SAMD7: variants seen among roughly 807,000 people sequenced by gnomAD.
SAMD7 encodes the protein sterile alpha motif domain-containing protein 7.
SAMD7 carries 34 observed loss-of-function variants against 36.7 expected under a neutral mutation model. That is an observed-to-expected ratio of 0.93 (90% CI 0.71 to 1.23). SAMD7 has a LOEUF of 1.23. Ranked by LOEUF, SAMD7 falls within the 50% of genes most tolerant of loss-of-function variation. The pLI is 0.00. For synonymous variants in SAMD7, 188 were observed against 189.7 expected (o/e 0.99, Z 0.07); for missense variants, 570 against 546.6 (o/e 1.04, Z -0.43).
At chr3:169,930,798 G>T (rs1316535256) in intron 7 of SAMD7, among the ~76,000 whole-genome samples, 1 of 151,916 alleles carries the variant, frequency 6.6e-6, no homozygotes, top group Non-Finnish European at 1.5e-5. Context: ...GGCCAGGCTG[G>T]TCTCAACCTC....
At chr3:169,935,791 A>G (rs1398514683) in intron 7 of SAMD7, among the ~76,000 whole-genome samples, 1 of 152,214 alleles carries the variant, frequency 6.6e-6, no homozygotes, top group East Asian at 1.9e-4. Flanking sequence ...AAGGCACGCC[A>G]CGTCCACTAC....
At chr3:169,924,817 AC>A (rs1214279275) in intron 4 of SAMD7, among the ~76,000 whole-genome samples, 2 of 152,202 alleles carry the variant, frequency 1.3e-5, no homozygotes, top group Non-Finnish European at 2.9e-5. Context: ...GGAAAATGCC[AC>A]CAGTCATGAG....
rs182689722 is a variant in SAMD7 at position 169,930,774 on chromosome 3, G to T, written c.1041+2196G>T. Among the ~76,000 whole-genome samples, 56 of 151,826 alleles carry T rather than the reference G, an allele frequency of 3.7e-4. 1 individual carries two copies. The East Asian group carries it at 9.3e-3, about 25-fold the overall frequency. On this transcript the variant is annotated intron_variant, in intron 7 of 8. Transcript: ENST00000335556. ...TTTTTTGTATTTTTAGTAAAGACAG[G>T]GTTTCATCGTGTTGGCCAGGCTGGT...
In SAMD7 at chr3:169,926,720, A is replaced by G. The variant is rs758399017; in HGVS notation, c.458A>G (p.His153Arg). 28 of 1,613,706 alleles carry G rather than the reference A, an allele frequency of 1.7e-5. No homozygotes were observed. Among genetic ancestry groups the G allele is most frequent in the Non-Finnish European group, 2.2e-5 (26 of 1,179,950 alleles). The change falls in exon 6 of 9, where the codon CAC (histidine) becomes CGC (arginine). Residue 153 changes from histidine (H) to arginine (R), a missense_variant. Transcript: ENST00000335556. ...CTCCCTGCCGGTGACCTGCATTTTC[A>G]CAGAAGCACCCTCAGAAACCTTCAG... ...SMLPAGDLHF[H>R]RSTLRNLQGN...
Position 169,928,558 on chromosome 3 carries a change from G to C in SAMD7, c.1021G>C (p.Gly341Arg). Residue 341 changes from glycine to arginine, a missense_variant, in exon 7 of 9, where the codon GGT becomes CGT. By Grantham distance (125) the Gly-to-Arg change is moderately radical. Coordinates refer to ENST00000335556, the MANE Select transcript of SAMD7 (RefSeq NM_001304366.2). ...DVHSFIRSLP[G>R]CSDYAQVFKD... ...GCACAGCTTCATTCGCAGCCTTCCA[G>C]GTTGTTCAGACTATGCTCAGGTGAC... 1.2e-6 allele frequency: 2 copies of C among 1,613,962 alleles called. No homozygotes were observed. The highest frequency in any genetic ancestry group is 1.7e-6 in the Non-Finnish European group (2 of 1,179,870).
chr3:169,926,864 C>A lies in SAMD7; in HGVS notation c.602C>A (p.Ser201Tyr). ...GCTCTAGACAGTGATGCTGAGAGTT[C>A]CAAAAGTCAAGCAGAAGAAAAAATC... Reference protein sequence around the residue: ...QKALDSDAESSKSQAEEKILG... With the variant: ...QKALDSDAESYKSQAEEKILG... Residue 201 changes from serine (S) to tyrosine (Y), a missense_variant, in exon 6 of 9, where the codon TCC (serine) becomes TAC (tyrosine). Transcript: ENST00000335556. 1.2e-6 allele frequency: 2 copies of A among 1,613,674 alleles called. No individual in the cohort carries two copies. Among genetic ancestry groups the A allele is most frequent in the Non-Finnish European group, 8.5e-7 (1 of 1,179,922 alleles).
chr3:169,933,565 G>T (rs1430253728), intron 7 of SAMD7, among the ~76,000 whole-genome samples: 2 of 152,218 alleles, frequency 1.3e-5, no homozygotes, highest in African/African-American at 4.8e-5. Context: ...ATTGGCTCTG[G>T]AGTGTGTGTT....
intron 8 of SAMD7, among the ~76,000 whole-genome samples, chr3:169,937,307 C>T (rs2111820): frequency 0.21 from 31,849 of 151,770 alleles, 3,444 homozygotes; most frequent in East Asian, 0.3. Context: ...GTTTGTTGCA[C>T]AGGTAAACAT....
intron 7 of SAMD7, among the ~76,000 whole-genome samples, chr3:169,933,893 G>C (rs140959671): frequency 6.6e-6 from 1 of 152,328 alleles, no homozygotes; most frequent in East Asian, 1.9e-4. Flanking sequence ...GGGACTCTTG[G>C]CCTCCTAAAG....
chr3:169,917,949 T>C (rs1475109452), intron 2 of SAMD7, among the ~76,000 whole-genome samples: 5 of 138,102 alleles, frequency 3.6e-5, no homozygotes, highest in Admixed American at 7.1e-5. Context: ...CCTGTTTGTT[T>C]ATTTTTGAGA....
intron 1 of SAMD7, among the ~76,000 whole-genome samples, chr3:169,913,821 G>C (rs1055439352): frequency 1.3e-5 from 2 of 152,204 alleles, no homozygotes; most frequent in African/African-American, 2.4e-5. Flanking sequence ...AAAGACTCGT[G>C]CTTGATCATA....
rs541996206 is a variant in SAMD7, at chr3:169,930,706, C to T, written c.1041+2128C>T. On this transcript the variant is annotated intron_variant, in intron 7 of 8. Transcript: ENST00000335556. The stretch of plus-strand genomic sequence containing the variant: ...AAGCGATTCTCCTGCCTCAGCCTCC[C>T]GAGTAGCTGGGACTATAGGTGCACA... Among the ~76,000 whole-genome samples the T allele has an allele frequency of 4.6e-5, 7 of 151,760 alleles. No individual in the cohort carries two copies. In the East Asian group the frequency reaches 5.8e-4, roughly 13 times the overall value.
intron 2 of SAMD7, among the ~76,000 whole-genome samples, chr3:169,918,181 G>T (rs942263006): frequency 7.9e-5 from 12 of 151,530 alleles, no homozygotes; most frequent in African/African-American, 2.4e-4. Context: ...CAAACGATCC[G>T]CCTGCCTCAG....
rs375693791 is a variant in SAMD7 at position 169,919,017 on chromosome 3, G to T, written c.-41-441G>T. 2.1e-3 allele frequency among the ~76,000 whole-genome samples: 318 copies of T among 152,218 alleles called. 1 individual carries two copies. Among genetic ancestry groups the T allele is most frequent in the African/African-American group, 7.2e-3 (300 of 41,530 alleles). On this transcript the variant is annotated intron_variant, in intron 2 of 8. Transcript: ENST00000335556. ...CAAAATTAGCCGGGCGTGGTGGTGGGTGCCTGTAATCGCAGCTACTCTGGA... is the reference window on the plus strand; with the variant it reads ...CAAAATTAGCCGGGCGTGGTGGTGGTTGCCTGTAATCGCAGCTACTCTGGA...
chr3:169,932,398 T>C (rs1443383715), intron 7 of SAMD7: 3 of 637,734 alleles, frequency 4.7e-6, no homozygotes, highest in Non-Finnish European at 6.1e-6. Flanking sequence ...TAGCCGAGAC[T>C]ATGTAGTGGA....
At chr3:169,915,661 T>G (rs1358927191) in intron 2 of SAMD7, among the ~76,000 whole-genome samples, 1 of 141,108 alleles carries the variant, frequency 7.1e-6, no homozygotes, top group Non-Finnish European at 1.5e-5. Context: ...CTTGGCTCAC[T>G]GCAACCTCTG....
chr3:169,928,493 C>A lies in SAMD7; in HGVS notation c.956C>A (p.Ser319Tyr), dbSNP rs776798669. 8 of 1,613,094 alleles carry A rather than the reference C, an allele frequency of 5.0e-6. No homozygotes were observed. The South Asian group carries it at 8.8e-5, about 18-fold the overall frequency. ...HALVTIGGNL[S>Y]LDEDIQKWTV... ...CTGGTTACAATTGGGGGGAATCTTTCTTTGGATGAAGATATTCAGAAGTGG... is the reference window on the plus strand; with the variant it reads ...CTGGTTACAATTGGGGGGAATCTTTATTTGGATGAAGATATTCAGAAGTGG... The change falls in exon 7 of 9, where the codon TCT (serine) becomes TAT (tyrosine). Residue 319 changes from serine (S) to tyrosine (Y), a missense_variant. Coordinates refer to ENST00000335556, the MANE Select transcript of SAMD7 (RefSeq NM_001304366.2).
chr3:169,935,581 A>G (rs1228632663), intron 7 of SAMD7, among the ~76,000 whole-genome samples: 1 of 152,188 alleles, frequency 6.6e-6, no homozygotes, highest in Admixed American at 6.5e-5. Context: ...CTCTGCCTAC[A>G]AAGTCTAAAG....
rs888899725 is a variant in SAMD7 at position 169,925,136 on chromosome 3, G to C, written c.290G>C (p.Arg97Thr). Residue 97 changes from arginine to threonine, a missense_variant and splice_region_variant, in exon 5 of 9, where the codon AGG (arginine) becomes ACG (threonine). Physicochemically the swap from Arg to Thr is moderately conservative, Grantham distance 71. Coordinates refer to ENST00000335556, the MANE Select transcript of SAMD7 (RefSeq NM_001304366.2). Reference protein sequence around the residue: ...NEMIQRHHTARTEMEMYAIYQ... With the variant: ...NEMIQRHHTATTEMEMYAIYQ... ...ATGATTCAACGGCATCATACTGCCA[G>C]GTAATTTGGCAATGTTGTTTTATTT... 6.3e-7 allele frequency: 1 copy of C among 1,597,116 alleles called. No individual in the cohort carries two copies. The highest frequency in any genetic ancestry group is 8.6e-7 in the Non-Finnish European group (1 of 1,169,126).
Sources: gnomAD v4.1 joint callset for allele counts (sites outside exome capture counted in the v4.1 genomes callset) on GRCh38, gnomAD v4.1.1 for gene constraint, MANE v1.5 for transcripts, NCBI Gene and HGNC (gene_info 2026-07-23, HGNC 2026-07-21) for gene names.